FAAH2: variants seen among roughly 807,000 people sequenced by gnomAD.
FAAH2 encodes fatty-acid amide hydrolase 2.
A neutral mutation model predicts 36.9 loss-of-function variants in FAAH2; 60 were observed. The observed-to-expected ratio is 1.63, with a 90% CI of 1.32 to 2.02. The LOEUF (loss-of-function observed/expected upper bound fraction) is 2.02, where lower values mean the gene tolerates loss of function less well. FAAH2 is among the 30% of genes most tolerant of loss of function. The probability of loss-of-function intolerance (pLI) is 0.00; values close to 1 mark genes in which losing one functional copy is unlikely to be tolerated. For synonymous variants in FAAH2, 214 were observed against 143.8 expected, an observed-to-expected ratio of 1.49 and a Z score of -3.49; for missense variants, 689 against 397.5, an observed-to-expected ratio of 1.73 and a Z score of -6.23.
At chrX:57,465,882 T>C (rs1209747013) in intron 10 of FAAH2, among the ~76,000 whole-genome samples, 1 of 110,076 alleles carries the variant, frequency 9.1e-6, no homozygotes, top group Non-Finnish European at 1.9e-5. Context: ...ATGTAATATA[T>C]ATGACAGCAA....
At chrX:57,269,996 G>T in the FAAH2 span, among the ~76,000 whole-genome samples, 1 of 110,435 alleles carries the variant, frequency 9.1e-6, no homozygotes, top group African/African-American at 3.3e-5. Flanking sequence ...AAGAAGAAAA[G>T]AGAGAATATT....
the FAAH2 span, among the ~76,000 whole-genome samples, chrX:57,214,197 TA>T: frequency 8.9e-6 from 1 of 112,150 alleles, no homozygotes; most frequent in South Asian, 3.7e-4. Flanking sequence ...TCTTTAGCAG[TA>T]GGTTTGTTTC....
At chrX:57,333,482 C>T (rs1174994247) in intron 4 of FAAH2, among the ~76,000 whole-genome samples, 1 of 111,180 alleles carries the variant, frequency 9.0e-6, no homozygotes, top group Non-Finnish European at 1.9e-5. Context: ...AGAATTGAAA[C>T]CATTTGTGAT....
chrX:57,362,291 G>T (rs961480401), intron 5 of FAAH2, among the ~76,000 whole-genome samples: 1 of 110,427 alleles, frequency 9.1e-6, no homozygotes, highest in African/African-American at 3.3e-5. Context: ...TCATAAGTGG[G>T]AGTTGAGCAA....
chrX:57,471,611 G>T (rs751955160), intron 10 of FAAH2, among the ~76,000 whole-genome samples: 7 of 111,732 alleles, frequency 6.3e-5, no homozygotes, highest in African/African-American at 1.6e-4. Flanking sequence ...ATAAATGGAA[G>T]AACATTCCAT....
At chrX:57,320,366 A>G (rs1023698599) in intron 3 of FAAH2, among the ~76,000 whole-genome samples, 1 of 112,384 alleles carries the variant, frequency 8.9e-6, no homozygotes, top group African/African-American at 3.2e-5. Context: ...AAGGATATGA[A>G]TAGACACTTC....
chrX:57,124,487 GCT>G, the FAAH2 span, among the ~76,000 whole-genome samples: 1 of 111,647 alleles, frequency 9.0e-6, no homozygotes, highest in African/African-American at 3.3e-5. Flanking sequence ...GGCAATGCAG[GCT>G]CTTTTTTTGT....
chrX:57,394,632 G>A (rs1402112303), intron 7 of FAAH2: 14 of 1,063,116 alleles, frequency 1.3e-5, no homozygotes, highest in Non-Finnish European at 1.8e-5. Context: ...AAGCCACCAG[G>A]AACGGGCCTC....
the FAAH2 span, among the ~76,000 whole-genome samples, chrX:57,168,692 A>G: frequency 8.9e-6 from 1 of 111,962 alleles, no homozygotes; most frequent in Non-Finnish European, 1.9e-5. Flanking sequence ...CAACTGCAGT[A>G]CAGTGCTTAT....
intron 7 of FAAH2, among the ~76,000 whole-genome samples, chrX:57,422,011 C>T (rs1447521438): frequency 4.5e-5 from 5 of 111,357 alleles, no homozygotes; most frequent in South Asian, 7.6e-4. Flanking sequence ...TCCTGAGGTA[C>T]GATATTGTAT....
intron 10 of FAAH2, among the ~76,000 whole-genome samples, chrX:57,467,423 G>A (rs1352432241): frequency 2.7e-5 from 3 of 111,826 alleles, no homozygotes; most frequent in African/African-American, 9.7e-5. Flanking sequence ...TTTTCCAATG[G>A]TCTTAGCAAA....
intron 10 of FAAH2, among the ~76,000 whole-genome samples, chrX:57,473,957 G>T (rs2057216466): frequency 9.0e-6 from 1 of 111,018 alleles, no homozygotes; most frequent in African/African-American, 3.3e-5. Flanking sequence ...CTTATTTTGT[G>T]ACTCTGTATC....
the FAAH2 span, among the ~76,000 whole-genome samples, chrX:57,256,927 C>A: frequency 2.7e-5 from 3 of 112,186 alleles, no homozygotes; most frequent in Non-Finnish European, 5.6e-5. Context: ...ATGCGGCCAA[C>A]AGACATATGA....
At chrX:57,210,580 T>A in the FAAH2 span, among the ~76,000 whole-genome samples, 49,808 of 111,281 alleles carry the variant, frequency 0.45, 10,944 homozygotes, top group African/African-American at 0.86. Context: ...GATGAGAAAT[T>A]AGTGGGAATA....
At chrX:57,429,440 C>T (rs1314269849) in intron 7 of FAAH2, among the ~76,000 whole-genome samples, 2 of 111,037 alleles carry the variant, frequency 1.8e-5, no homozygotes, top group African/African-American at 6.5e-5. Context: ...TAAAAAACTG[C>T]TTAACATTAT....
chrX:57,244,048 A>G, the FAAH2 span, among the ~76,000 whole-genome samples: 1 of 108,470 alleles, frequency 9.2e-6, no homozygotes, highest in Non-Finnish European at 1.9e-5. Flanking sequence ...TTTAGAGAAC[A>G]TAAATGACCT....
chrX:57,439,930 C>T lies in FAAH2; in HGVS notation c.1117-6998C>T, dbSNP rs1439059036. ...TGGTTGTAGATATGTGGCATTATTT[C>T]TGAGGGTTCTGTTCTCTTCCATTGA... On this transcript the variant is annotated intron_variant, in intron 8 of 10. Transcript: ENST00000374900. Among the ~76,000 whole-genome samples the T allele has an allele frequency of 4.5e-5, 5 of 111,377 alleles. 1 individual carries two copies. The highest frequency in any genetic ancestry group is 1.6e-4 in the African/African-American group (5 of 30,625).
At chrX:57,302,483 C>T (rs188265929) in intron 2 of FAAH2, among the ~76,000 whole-genome samples, 1 of 111,247 alleles carries the variant, frequency 9.0e-6, no homozygotes, top group African/African-American at 3.3e-5. Context: ...GTGGTTGAAG[C>T]ATGAGAATAA....
chrX:57,244,552 G>C, the FAAH2 span, among the ~76,000 whole-genome samples: 10 of 110,972 alleles, frequency 9.0e-5, no homozygotes, highest in African/African-American at 3.3e-4. Context: ...ATCTCTGTTA[G>C]TCAGAAGAGT....
Sources: gnomAD v4.1 joint callset for allele counts (sites outside exome capture counted in the v4.1 genomes callset) on GRCh38, gnomAD v4.1.1 for gene constraint, MANE v1.5 for transcripts, NCBI Gene and HGNC (gene_info 2026-07-23, HGNC 2026-07-21) for gene names.